The following ASCC1 variants were observed in gnomAD, a reference collection of about 807,000 sequenced individuals.
ASCC1 encodes the protein activating signal cointegrator 1 complex subunit 1.
Under a neutral mutation model 46.6 loss-of-function variants are expected in ASCC1, and 35 were observed. The ratio of observed to expected loss-of-function variants is 0.75; its 90% CI spans 0.57 to 0.99. ASCC1 has a LOEUF of 0.99. Ranked by LOEUF, ASCC1 falls within the 50% of genes least tolerant of loss-of-function variation. The pLI is 0.00. For synonymous variants in ASCC1, 143 were observed against 146.6 expected (o/e 0.98, Z 0.18); for missense variants, 376 against 428.7 (o/e 0.88, Z 1.09).
chr10:72,179,483 A>G (rs1331711134), intron 5 of ASCC1, among the ~76,000 whole-genome samples: 1 of 152,198 alleles, frequency 6.6e-6, no homozygotes, highest in Non-Finnish European at 1.5e-5. Context: ...TCCCATTCAA[A>G]TAACTTTTCC....
chr10:72,207,815 A>ATT (rs34399551), intron 3 of ASCC1, among the ~76,000 whole-genome samples: 7,222 of 146,478 alleles, frequency 0.049, 405 homozygotes, highest in East Asian at 0.13. Flanking sequence ...AAATCTTAGT[A>ATT]TTTTTTTTTT....
intron 5 of ASCC1, among the ~76,000 whole-genome samples, chr10:72,191,809 G>A (rs1854552002): frequency 6.6e-6 from 1 of 151,796 alleles, no homozygotes; most frequent in Non-Finnish European, 1.5e-5. Flanking sequence ...ACCATGCCCA[G>A]CTAATTTTTT....
intron 7 of ASCC1, among the ~76,000 whole-genome samples, chr10:72,138,630 G>A (rs561059268): frequency 2.9e-5 from 4 of 138,134 alleles, no homozygotes; most frequent in African/African-American, 1.1e-4. Flanking sequence ...TTTTGAGATG[G>A]AGTCACTCTG....
At chr10:72,161,272 T>C (rs766993484) in intron 6 of ASCC1, among the ~76,000 whole-genome samples, 4 of 151,972 alleles carry the variant, frequency 2.6e-5, no homozygotes, top group Non-Finnish European at 5.9e-5. Context: ...GTTACTGTAA[T>C]AGACAGAATA....
chr10:72,107,167 A>C (rs1260042913), intron 9 of ASCC1, among the ~76,000 whole-genome samples: 1 of 152,036 alleles, frequency 6.6e-6, no homozygotes, highest in Non-Finnish European at 1.5e-5. Context: ...TACAAATACC[A>C]GACTAAAAAT....
rs991586214 is a variant in ASCC1, at chr10:72,177,180, C to T, written c.490-15506G>A. On this transcript the variant is annotated intron_variant, in intron 5 of 9. Coordinates refer to ENST00000672957, the MANE Select transcript of ASCC1 (RefSeq NM_001198800.3). The stretch of plus-strand genomic sequence containing the variant: ...ACCTGTTCAAAACTAGTATCTCCAC[C>T]GAAATGGGACAATATATGAATCTTG... Among the ~76,000 whole-genome samples, 9 of 152,068 alleles carry T rather than the reference C, an allele frequency of 5.9e-5. No homozygotes were observed. The South Asian group carries it at 8.3e-4, about 14-fold the overall frequency.
intron 7 of ASCC1, among the ~76,000 whole-genome samples, chr10:72,151,984 C>A (rs896292648): frequency 8.2e-6 from 1 of 122,454 alleles, no homozygotes. Flanking sequence ...CCACCGCAAC[C>A]GGCCAATATT....
Position 72,161,574 on chromosome 10 carries a change from CAT to C in ASCC1, c.588_589del (p.Cys197Ter), listed in dbSNP as rs1209827204. On this transcript the variant is annotated frameshift_variant, in exon 6 of 10. Coordinates refer to ENST00000672957, the MANE Select transcript of ASCC1 (RefSeq NM_001198800.3). LOFTEE classifies it high-confidence loss of function. ...CTCTTTACACTGCTGTAGCATCTCACATGTCTGCTGGATCTCTTCCTCACTCA... is the reference window on the plus strand; with the variant it reads ...CTCTTTACACTGCTGTAGCATCTCACGTCTGCTGGATCTCTTCCTCACTCA... 1 of 1,614,222 alleles carries C rather than the reference CAT, an allele frequency of 6.2e-7. No individual in the cohort carries two copies. The highest frequency in any genetic ancestry group is 8.5e-7 in the Non-Finnish European group (1 of 1,180,034).
At chr10:72,151,120 C>A (rs973012092) in intron 7 of ASCC1, among the ~76,000 whole-genome samples, 32 of 152,218 alleles carry the variant, frequency 2.1e-4, no homozygotes, top group African/African-American at 5.3e-4. Flanking sequence ...GATTATAAAT[C>A]ATGCTACTAT....
intron 5 of ASCC1, among the ~76,000 whole-genome samples, chr10:72,188,813 T>C (rs1419693414): frequency 1.3e-5 from 2 of 152,034 alleles, no homozygotes; most frequent in East Asian, 1.9e-4. Context: ...CCCAGGCTAG[T>C]AGTGCACAAT....
At chr10:72,171,636 C>T (rs2132849665) in intron 5 of ASCC1, among the ~76,000 whole-genome samples, 1 of 152,266 alleles carries the variant, frequency 6.6e-6, no homozygotes, top group Admixed American at 6.5e-5. Context: ...AGGCTGATCT[C>T]GAACTCCTGA....
chr10:72,161,246 G>A (rs984471304), intron 6 of ASCC1, among the ~76,000 whole-genome samples: 6 of 150,742 alleles, frequency 4.0e-5, no homozygotes, highest in Non-Finnish European at 8.8e-5. Flanking sequence ...CTAGAGAATC[G>A]TGTTATAATG....
At chr10:72,215,114 C>G (rs1858938827) in intron 1 of ASCC1, among the ~76,000 whole-genome samples, 1 of 152,150 alleles carries the variant, frequency 6.6e-6, no homozygotes, top group African/African-American at 2.4e-5. Flanking sequence ...CACTAATGTT[C>G]AAGCCAACGT....
At position 72,101,760 on chromosome 10, in the gene ASCC1, A is replaced by G. The variant is rs77907436; in HGVS notation, c.958-4310T>C. On this transcript the variant is annotated intron_variant, in intron 9 of 9. Transcript: ENST00000672957. ...GTATGATGTATTGTGCTGACTGGAG[A>G]AGGGAACAAGATAAAGAAAAAAAAG... Among the ~76,000 whole-genome samples, 618 of 152,124 alleles carry G rather than the reference A, an allele frequency of 4.1e-3. 6 individuals carry two copies. The highest frequency in any genetic ancestry group is 0.014 in the African/African-American group (590 of 41,440).
intron 5 of ASCC1, chr10:72,189,996 T>C (rs746650840): frequency 4.1e-5 from 31 of 757,458 alleles, no homozygotes; most frequent in Non-Finnish European, 6.8e-5. Flanking sequence ...TCTGATGTCA[T>C]GTGCTTTCTT....
At chr10:72,184,857 G>A (rs906379769) in intron 5 of ASCC1, among the ~76,000 whole-genome samples, 5 of 151,118 alleles carry the variant, frequency 3.3e-5, no homozygotes, top group Admixed American at 6.6e-5. Context: ...GCAATATCAC[G>A]CACTTTTTAA....
intron 9 of ASCC1, among the ~76,000 whole-genome samples, chr10:72,098,980 G>A (rs756448457): frequency 1.3e-5 from 2 of 152,216 alleles, no homozygotes; most frequent in African/African-American, 4.8e-5. Flanking sequence ...CACTAAGACT[G>A]ACAGATTTAT....
At chr10:72,150,530 AAT>A (rs1171933635) in intron 7 of ASCC1, among the ~76,000 whole-genome samples, 3 of 152,202 alleles carry the variant, frequency 2.0e-5, no homozygotes, top group African/African-American at 7.2e-5. Flanking sequence ...TCAACTAATA[AAT>A]GATGTTAACA....
At chr10:72,174,299 T>C (rs1851600964) in intron 5 of ASCC1, among the ~76,000 whole-genome samples, 1 of 152,068 alleles carries the variant, frequency 6.6e-6, no homozygotes, top group African/African-American at 2.4e-5. Flanking sequence ...TGGGCTCGAG[T>C]GGGGCAGAAC....
Sources: allele counts gnomAD v4.1 joint callset (sites outside exome capture counted in the v4.1 genomes callset), GRCh38; gene constraint gnomAD v4.1.1; transcripts MANE v1.5; gene names NCBI Gene and HGNC (gene_info 2026-07-23, HGNC 2026-07-21).